The following AFMID variants were observed in gnomAD, a reference collection of about 807,000 sequenced individuals.
The protein encoded by AFMID is arylformamidase.
AFMID carries 39 observed loss-of-function variants against 47.5 expected under a neutral mutation model. The observed-to-expected ratio is 0.82, with a 90% CI of 0.64 to 1.07. The LOEUF is 1.07. Among genes scored for constraint, AFMID ranks in the 50% least tolerant of loss-of-function variants. The pLI, the probability that AFMID is intolerant of heterozygous loss-of-function variation, is 0.00. For synonymous variants in AFMID, 130 were observed against 153.2 expected (o/e 0.85, Z 1.12); for missense variants, 375 against 387.5 (o/e 0.97, Z 0.27).
chr17:78,191,256 A>G (rs1378464534), intron 2 of AFMID, among the ~76,000 whole-genome samples, 196 bp downstream of exon 2: 1 of 152,156 alleles, frequency 6.6e-6, no homozygotes, highest in Non-Finnish European at 1.5e-5. Flanking sequence ...TACTGGAGGC[A>G]GGAGAGGTCC....
At position 78,202,596 on chromosome 17, in the gene AFMID, G is replaced by C; in HGVS notation, c.252G>C (p.Ser84=). Residue 84 remains serine, a synonymous_variant, in exon 3 of 11, where the codon TCG becomes TCC. Transcript: ENST00000409257. ...EKVDIYFPDE[S]SEALPFFLFF... ...TGGACATTTACTTCCCCGACGAGTCGTCTGAAGGTTGTCGGTGAAGGGGCT... is the reference window on the plus strand; with the variant it reads ...TGGACATTTACTTCCCCGACGAGTCCTCTGAAGGTTGTCGGTGAAGGGGCT... 1 of 1,613,734 alleles carries C rather than the reference G, an allele frequency of 6.2e-7. No homozygotes were observed. Among genetic ancestry groups the C allele is most frequent in the Non-Finnish European group, 8.5e-7 (1 of 1,179,750 alleles).
chr17:78,194,698 CT>C (rs554974643), intron 2 of AFMID, among the ~76,000 whole-genome samples: 142 of 146,572 alleles, frequency 9.7e-4, no homozygotes, highest in Non-Finnish European at 1.5e-3. Context: ...AGTAAAAATA[CT>C]TTTTTTTTTT....
intron 2 of AFMID, among the ~76,000 whole-genome samples, chr17:78,200,396 T>C (rs1190506758): frequency 6.6e-6 from 1 of 152,152 alleles, no homozygotes; most frequent in Non-Finnish European, 1.5e-5. Flanking sequence ...TCAAGTGATC[T>C]GCCCGCCTCA....
chr17:78,187,571 C>T (rs2075828972), intron 1 of AFMID, 138 bp downstream of exon 1: 4 of 812,050 alleles, frequency 4.9e-6, no homozygotes, highest in Non-Finnish European at 8.0e-6. Context: ...GTGCCAGGTC[C>T]CCAGTGCTTG....
intron 2 of AFMID, among the ~76,000 whole-genome samples, chr17:78,195,065 G>A (rs748891049): frequency 1.3e-5 from 2 of 152,030 alleles, no homozygotes; most frequent in Admixed American, 6.6e-5. Context: ...TTCAAATTCT[G>A]TATGATTTCA....
intron 2 of AFMID, among the ~76,000 whole-genome samples, chr17:78,191,985 C>T (rs937174748): frequency 2.7e-5 from 4 of 148,766 alleles, no homozygotes; most frequent in African/African-American, 5.0e-5. Context: ...CGTGCCTGGC[C>T]GCCTTTTCTT....
chr17:78,206,553 C>T (rs936428568), intron 10 of AFMID, among the ~76,000 whole-genome samples: 6 of 146,902 alleles, frequency 4.1e-5, no homozygotes, highest in South Asian at 2.2e-4. Flanking sequence ...ACTACAAAGG[C>T]GTGCCACTGT....
chr17:78,194,615 A>C (rs758207468), intron 2 of AFMID, among the ~76,000 whole-genome samples: 7 of 152,162 alleles, frequency 4.6e-5, no homozygotes, highest in Non-Finnish European at 5.9e-5. Context: ...AGGGCGCAGG[A>C]GGCTGGCAGA....
At chr17:78,198,974 G>A (rs549650743) in intron 2 of AFMID, among the ~76,000 whole-genome samples, 13 of 152,210 alleles carry the variant, frequency 8.5e-5, no homozygotes, top group African/African-American at 2.2e-4. Flanking sequence ...AAATGGCCCC[G>A]TAGTACACAC....
chr17:78,202,905 A>C, intron 4 of AFMID, 154 bp downstream of exon 4: 4 of 954,630 alleles, frequency 4.2e-6, no homozygotes, highest in Non-Finnish European at 4.8e-6. Context: ...TCTCAAGTCA[A>C]ATGTGGGCAG....
At chr17:78,202,355 G>A (rs933730495) in intron 2 of AFMID, 144 bp from the exon 3 acceptor site, 1 of 687,592 alleles carries the variant, frequency 1.5e-6, no homozygotes, top group African/African-American at 1.8e-5. Flanking sequence ...CTTGAACCGG[G>A]GAGGTGGAGA....
At chr17:78,205,014 A>T (rs946058826) in intron 6 of AFMID, 79 bp from the exon 7 acceptor site, 1 of 1,566,332 alleles carries the variant, frequency 6.4e-7, no homozygotes, top group Admixed American at 1.8e-5. Context: ...GCAGAAAGCA[A>T]ATTGGGACTC....
chr17:78,189,148 A>G (rs1204845765), intron 1 of AFMID, among the ~76,000 whole-genome samples: 3 of 151,766 alleles, frequency 2.0e-5, no homozygotes, highest in African/African-American at 7.3e-5. Context: ...AGGCCTTGCC[A>G]TGAGGCTGCC....
In AFMID at chr17:78,187,867, G is replaced by A. The variant is rs549220058; in HGVS notation, c.63+434G>A. On this transcript the variant is annotated intron_variant, in intron 1 of 10. Transcript: ENST00000409257. ...CTGGGGAGGCTGAGACAGGAGAATC[G>A]CTTGAACCCAGGAGGTGGAGGTTGC... 2.7e-5 allele frequency among the ~76,000 whole-genome samples: 4 copies of A among 148,648 alleles called. No homozygotes were observed. The Admixed American group carries it at 2.7e-4, about 10-fold the overall frequency.
At position 78,205,952 on chromosome 17, in the gene AFMID, T is replaced by C; in HGVS notation, c.787T>C (p.Cys263Arg). 2 of 1,613,950 alleles carry C rather than the reference T, an allele frequency of 1.2e-6. No individual in the cohort carries two copies. Among genetic ancestry groups the C allele is most frequent in the Non-Finnish European group, 1.7e-6 (2 of 1,179,954 alleles). The change falls in exon 10 of 11, where the codon TGT becomes CGT. Residue 263 changes from cysteine to arginine, a missense_variant. Cys to Arg is a radical substitution (Grantham distance 180). Coordinates refer to ENST00000409257, the MANE Select transcript of AFMID (RefSeq NM_001010982.5). ...RQSWEFYQTL[C>R]QGEWKASFEE... ...CCATGTCTCCCCTGCCCAGACCCTGTGTCAAGGAGAGTGGAAAGCCTCATT... is the reference window on the plus strand; with the variant it reads ...CCATGTCTCCCCTGCCCAGACCCTGCGTCAAGGAGAGTGGAAAGCCTCATT...
rs1016490542 is a variant in AFMID, at chr17:78,207,189, G to A, written c.*252G>A. 5 of 555,034 alleles carry A rather than the reference G, an allele frequency of 9.0e-6. No individual in the cohort carries two copies. Among genetic ancestry groups the A allele is most frequent in the Admixed American group, 3.2e-5 (1 of 30,832 alleles). The allele number at this position is 555,034 out of a possible 1,614,324, so 34.4% of individuals were successfully genotyped here. On this transcript the variant is annotated 3_prime_UTR_variant, in exon 11 of 11. Coordinates refer to ENST00000409257, the MANE Select transcript of AFMID (RefSeq NM_001010982.5). ...CGCAAGTCAATGCTCAGAGATGCCC[G>A]GAGCTGCCTCTTAGACTCGTCTGGC...
rs777055284 is a variant in AFMID, at chr17:78,207,023, T to G, written c.*86T>G. ...GCTTTCGGAGCTGACACTGACAGCT[T>G]CAGTTTCCCCCAGCACCCAGGAGAG... On this transcript the variant is annotated 3_prime_UTR_variant, in exon 11 of 11. Coordinates refer to ENST00000409257, the MANE Select transcript of AFMID (RefSeq NM_001010982.5). The G allele has an allele frequency of 7.2e-7, 1 of 1,394,468 alleles. No individual in the cohort carries two copies. The highest frequency in any genetic ancestry group is 1.0e-6 in the Non-Finnish European group (1 of 980,260). The allele number at this position is 1,394,468 out of a possible 1,614,324, so 86.4% of individuals were successfully genotyped here. A position where few individuals can be genotyped will look rare whatever the true frequency, so the allele number is the denominator to read the frequency against.
chr17:78,200,897 C>T (rs1293327599), intron 2 of AFMID, among the ~76,000 whole-genome samples: 1 of 152,130 alleles, frequency 6.6e-6, no homozygotes, highest in East Asian at 1.9e-4. Flanking sequence ...CTCCCAAGAG[C>T]GCAGTGTCCT....
chr17:78,203,012 C>T, intron 4 of AFMID: 1 of 445,468 alleles, frequency 2.2e-6, no homozygotes. Flanking sequence ...TGCCTCCATT[C>T]ACATGTGATC....
Sources: gnomAD v4.1 joint callset for allele counts (sites outside exome capture counted in the v4.1 genomes callset) on GRCh38, gnomAD v4.1.1 for gene constraint, MANE v1.5 for transcripts, NCBI Gene and HGNC (gene_info 2026-07-23, HGNC 2026-07-21) for gene names.